The following ZNF473 variants were observed in gnomAD, a reference collection of about 807,000 sequenced individuals.
ZNF473 encodes the protein zinc finger protein 100 homolog.
In ZNF473, 4 loss-of-function variants were observed where a neutral mutation model predicts 11.1. The ratio of observed to expected loss-of-function variants is 0.36; its 90% CI spans 0.18 to 0.82. ZNF473 has a LOEUF of 0.82. Among genes scored for constraint, ZNF473 ranks in the 40% least tolerant of loss-of-function variants. ZNF473 has a pLI of 0.49. For missense variants in ZNF473, 854 were observed against 1,084.0 expected, an observed-to-expected ratio of 0.79 and a Z score of 2.98; for synonymous variants, 404 against 390.4, an observed-to-expected ratio of 1.03 and a Z score of -0.41.
chr19:50,046,756 A>C lies in ZNF473; in HGVS notation c.2313A>C (p.Ser771=). 1 of 1,614,206 alleles carries C rather than the reference A, an allele frequency of 6.2e-7. No homozygotes were observed. The highest frequency in any genetic ancestry group is 8.5e-7 in the Non-Finnish European group (1 of 1,180,012). Residue 771 remains serine, a synonymous_variant, in exon 5 of 5, where the codon TCA becomes TCC. Transcript: ENST00000270617. The surrounding 1 kb of genome is among the most constrained non-coding windows in gnomAD (Gnocchi z 5.9). Reference sequence around the variant, plus strand: ...GCGGGAAAGCCTTCACCCAGAGCTCATGCCTTTCTATTCACCGGAGAGTTC... The same window carrying C: ...GCGGGAAAGCCTTCACCCAGAGCTCCTGCCTTTCTATTCACCGGAGAGTTC... ...QECGKAFTQS[S]CLSIHRRVHT...
At chr19:50,028,020 C>T (rs868200491) in intron 1 of ZNF473, among the ~76,000 whole-genome samples, 13 of 151,220 alleles carry the variant, frequency 8.6e-5, no homozygotes, top group Middle Eastern at 3.4e-3. Context: ...TTTTTTTGGC[C>T]GGGTGTGGTG....
chr19:50,045,343 A>G lies in ZNF473; in HGVS notation c.900A>G (p.Pro300=), dbSNP rs55716951. The G allele has an allele frequency of 1.7e-4, 276 of 1,614,176 alleles. No individual in the cohort carries two copies. The highest frequency in any genetic ancestry group is 2.2e-4 in the Non-Finnish European group (261 of 1,180,030). ...GTAAGAGTCAAGATAGTGACCACCCACCCAGTCATGACACACAGCCTGGTG... is the reference window on the plus strand; with the variant it reads ...GTAAGAGTCAAGATAGTGACCACCCGCCCAGTCATGACACACAGCCTGGTG... ...KPCKSQDSDH[P]PSHDTQPGEH... The change falls in exon 5 of 5, where the codon CCA becomes CCG. Residue 300 remains proline, a synonymous_variant. Coordinates refer to ENST00000270617, the MANE Select transcript of ZNF473 (RefSeq NM_015428.4).
chr19:50,045,966 T>A lies in ZNF473; in HGVS notation c.1523T>A (p.Met508Lys). The change falls in exon 5 of 5, where the codon ATG (methionine) becomes AAG (lysine). Residue 508 changes from methionine to lysine, a missense_variant. By Grantham distance (95) the Met-to-Lys change is moderately conservative. This residue lies in a region of ZNF473 where 668 missense variants were observed against 790.2 expected (regional missense o/e 0.85). Transcript: ENST00000270617. Reference protein sequence around the residue: ...DNNRLVQHQKMHTVKTPYECQ... With the variant: ...DNNRLVQHQKKHTVKTPYECQ... ...AATCGCCTTGTGCAACACCAGAAAA[T>A]GCACACTGTCAAAACCCCATATGAA... The A allele has an allele frequency of 6.2e-7, 1 of 1,614,054 alleles. No homozygotes were observed. The highest frequency in any genetic ancestry group is 1.1e-5 in the South Asian group (1 of 91,068).
In ZNF473 at chr19:50,047,853, G is replaced by C. The variant is rs1008299296; in HGVS notation, c.*794G>C. 1.1e-4 allele frequency: 16 copies of C among 152,130 alleles called. No individual in the cohort carries two copies. In the East Asian group the frequency reaches 2.3e-3, roughly 22 times the overall value. 9.4% of individuals were successfully genotyped at this position (152,130 alleles called of 1,614,324 possible). On this transcript the variant is annotated 3_prime_UTR_variant, in exon 5 of 5. Coordinates refer to ENST00000270617, the MANE Select transcript of ZNF473 (RefSeq NM_015428.4). ...CAATAAGACACCCAATTTTTCATGG[G>C]AGTTGACACCAAAACACAGCTGGAT...
At chr19:50,029,230 C>G (rs1270980723) in intron 1 of ZNF473, among the ~76,000 whole-genome samples, 1 of 152,210 alleles carries the variant, frequency 6.6e-6, no homozygotes, top group Non-Finnish European at 1.5e-5. Context: ...GCAAGCTCCA[C>G]CTCCCGGGTT....
chr19:50,026,813 A>G (rs914408429), intron 1 of ZNF473, among the ~76,000 whole-genome samples: 4 of 152,046 alleles, frequency 2.6e-5, no homozygotes, highest in Non-Finnish European at 5.9e-5. Flanking sequence ...AAAGAAAAGA[A>G]AACTGCTAAA....
At position 50,044,865 on chromosome 19, in the gene ZNF473, G is replaced by C. The variant is rs759636446; in HGVS notation, c.422G>C (p.Gly141Ala). 1 of 1,614,198 alleles carries C rather than the reference G, an allele frequency of 6.2e-7. No individual in the cohort carries two copies. The highest frequency in any genetic ancestry group is 8.5e-7 in the Non-Finnish European group (1 of 1,180,040). The change falls in exon 5 of 5, where the codon GGG becomes GCG. Residue 141 changes from glycine (G) to alanine (A), a missense_variant. Gly to Ala is a moderately conservative substitution (Grantham distance 60). Around this residue, in one of 2 missense-constraint regions of ZNF473, gnomAD observed 668 missense variants for 790.2 expected, o/e 0.85. Transcript: ENST00000270617. ...SLLRSDIATN[G>A]ESPTECKSHE... The stretch of plus-strand genomic sequence containing the variant: ...CTGAGGTCTGATATTGCCACCAACG[G>C]GGAAAGTCCCACGGAATGCAAGAGT...
intron 4 of ZNF473, 136 bp downstream of exon 4, chr19:50,041,955 G>C: frequency 1.5e-6 from 1 of 660,740 alleles, no homozygotes; most frequent in East Asian, 3.2e-5. Context: ...CTTCTCGCTG[G>C]CTTCCATCCC....
chr19:50,042,925 G>A (rs888862740), intron 4 of ZNF473: 2 of 152,260 alleles, frequency 1.3e-5, no homozygotes, highest in Admixed American at 6.5e-5. Flanking sequence ...ACAAGATGTG[G>A]TTTCAGAAGG....
At position 50,045,172 on chromosome 19, in the gene ZNF473, G is replaced by A; in HGVS notation, c.729G>A (p.Glu243=). ...REKPTVHQEC[E]QGFDRNASLS... ...AACCCACTGTCCATCAAGAGTGTGAGCAAGGTTTTGACCGGAATGCTTCCC... is the reference window on the plus strand; with the variant it reads ...AACCCACTGTCCATCAAGAGTGTGAACAAGGTTTTGACCGGAATGCTTCCC... Residue 243 remains glutamate, a synonymous_variant, in exon 5 of 5, where the codon GAG becomes GAA. Coordinates refer to ENST00000270617, the MANE Select transcript of ZNF473 (RefSeq NM_015428.4). 1 of 1,614,198 alleles carries A rather than the reference G, an allele frequency of 6.2e-7. No individual in the cohort carries two copies. Among genetic ancestry groups the A allele is most frequent in the Non-Finnish European group, 8.5e-7 (1 of 1,180,048 alleles).
At chr19:50,029,118 A>G (rs1042468956) in intron 1 of ZNF473, among the ~76,000 whole-genome samples, 5 of 152,162 alleles carry the variant, frequency 3.3e-5, no homozygotes, top group African/African-American at 1.2e-4. Flanking sequence ...CCTGATCCAC[A>G]CTGCGCTGGG....
At chr19:50,031,124 A>G (rs1284956688) in intron 2 of ZNF473, 33 bp downstream of exon 2, 4 of 1,561,298 alleles carry the variant, frequency 2.6e-6, no homozygotes, top group Non-Finnish European at 3.5e-6. Context: ...CTAATCGGTC[A>G]CACCCAAAGG....
chr19:50,038,310 C>A (rs1978583072), intron 2 of ZNF473, among the ~76,000 whole-genome samples: 1 of 151,558 alleles, frequency 6.6e-6, no homozygotes, highest in East Asian at 1.9e-4. Context: ...AAGATGGCAT[C>A]ACTAAAAGTT....
chr19:50,039,268 C>T lies in ZNF473; in HGVS notation c.117C>T (p.Cys39=), dbSNP rs775369966. ...DTFWDTALDN[C]QDLFLLDPPR... ...TCTGGGACACAGCGTTGGACAATTG[C>T]CAGGACCTCTTCCTGCTGGGTGAGT... The change falls in exon 3 of 5, where the codon TGC becomes TGT. Residue 39 remains cysteine (C), a synonymous_variant. Coordinates refer to ENST00000270617, the MANE Select transcript of ZNF473 (RefSeq NM_015428.4). The surrounding 1 kb of genome is among the most constrained non-coding windows in gnomAD (Gnocchi z 4.8). 6.2e-7 allele frequency: 1 copy of T among 1,614,094 alleles called. No homozygotes were observed. Among genetic ancestry groups the T allele is most frequent in the South Asian group, 1.1e-5 (1 of 91,086 alleles).
At position 50,030,954 on chromosome 19, in the gene ZNF473, C is replaced by A. The variant is rs750272478; in HGVS notation, c.-129C>A. 82 of 1,366,990 alleles carry A rather than the reference C, an allele frequency of 6.0e-5. No homozygotes were observed. Among genetic ancestry groups the A allele is most frequent in the Non-Finnish European group, 7.8e-5 (77 of 981,616 alleles). The allele number at this position is 1,366,990 out of a possible 1,614,324, so 84.7% of individuals were successfully genotyped here. On this transcript the variant is annotated 5_prime_UTR_variant, in exon 2 of 5. Coordinates refer to ENST00000270617, the MANE Select transcript of ZNF473 (RefSeq NM_015428.4). Reference sequence around the variant, plus strand: ...CATTTTGGGGGCTCGTCAGCATGGACAGCGAGTCAGCCATGGGTGGAAGGG... The same window carrying A: ...CATTTTGGGGGCTCGTCAGCATGGAAAGCGAGTCAGCCATGGGTGGAAGGG...
At chr19:50,028,018 G>T (rs148671198) in intron 1 of ZNF473, among the ~76,000 whole-genome samples, 136 of 151,802 alleles carry the variant, frequency 9.0e-4, no homozygotes, top group Non-Finnish European at 5.9e-4. Flanking sequence ...AATTTTTTTG[G>T]CCGGGTGTGG....
chr19:50,026,711 C>T (rs188679325), intron 1 of ZNF473, among the ~76,000 whole-genome samples: 122 of 151,280 alleles, frequency 8.1e-4, no homozygotes, highest in African/African-American at 2.6e-3. Flanking sequence ...CGTGGTGGTG[C>T]GCCCCTGTAT....
chr19:50,035,917 C>T (rs1156477768), intron 2 of ZNF473, among the ~76,000 whole-genome samples: 1 of 152,140 alleles, frequency 6.6e-6, no homozygotes, highest in Non-Finnish European at 1.5e-5. Context: ...CGTGCCACCC[C>T]ACCACCTACT....
At chr19:50,036,149 G>A (rs1978424194) in intron 2 of ZNF473, among the ~76,000 whole-genome samples, 1 of 150,962 alleles carries the variant, frequency 6.6e-6, no homozygotes, top group Non-Finnish European at 1.5e-5. Context: ...GGTAGAGATG[G>A]GGGTTTTACC....
Sources: allele counts gnomAD v4.1 joint callset (sites outside exome capture counted in the v4.1 genomes callset), GRCh38; gene constraint gnomAD v4.1.1; regional missense constraint gnomAD v4.1.1; non-coding constraint Gnocchi (gnomAD v3.1); transcripts MANE v1.5; gene names NCBI Gene and HGNC (gene_info 2026-07-23, HGNC 2026-07-21).